Variants in CBL observed in about 807,000 individuals in gnomAD.
CBL encodes the protein E3 ubiquitin-protein ligase CBL.
Under a neutral mutation model 96.9 loss-of-function variants are expected in CBL, and 45 were observed. The observed-to-expected ratio is 0.46, with a 90% CI of 0.37 to 0.60. The LOEUF (loss-of-function observed/expected upper bound fraction) is 0.60, where lower values mean the gene tolerates loss of function less well. Among genes scored for constraint, CBL ranks in the 20% least tolerant of loss-of-function variants. The pLI is 0.00. For synonymous variants in CBL, 420 were observed against 426.8 expected (o/e 0.98, Z 0.20); for missense variants, 1,024 against 1,143.5 (o/e 0.90, Z 1.51).
At chr11:119,262,805 C>T (rs749218768) in intron 2 of CBL, among the ~76,000 whole-genome samples, 67 of 152,060 alleles carry the variant, frequency 4.4e-4, no homozygotes, top group Non-Finnish European at 6.9e-4. Context: ...TGAGAGTAGA[C>T]GTTAAATATA....
At chr11:119,276,767 A>G (rs546511036) in intron 6 of CBL, among the ~76,000 whole-genome samples, 2 of 152,368 alleles carry the variant, frequency 1.3e-5, no homozygotes, top group African/African-American at 2.4e-5. Flanking sequence ...TTTACTTACA[A>G]TAGCATTGGG....
At position 119,237,933 on chromosome 11, in the gene CBL, G is replaced by A. The variant is rs1474940612; in HGVS notation, c.443+5238G>A. Among the ~76,000 whole-genome samples the A allele has an allele frequency of 5.4e-5, 8 of 148,512 alleles. No homozygotes were observed. In the South Asian group the frequency reaches 1.5e-3, roughly 28 times the overall value. ...GTCACCCAGGCTGGAGTGCAGTGGC[G>A]CCATCTTGGCTCACTGCAACCTCTT... On this transcript the variant is annotated intron_variant, in intron 2 of 15. Coordinates refer to ENST00000264033, the MANE Select transcript of CBL (RefSeq NM_005188.4).
intron 12 of CBL, among the ~76,000 whole-genome samples, chr11:119,292,200 T>G (rs1359423982): frequency 1.3e-5 from 2 of 152,116 alleles, no homozygotes; most frequent in South Asian, 2.1e-4. Context: ...TCCGTAAGTT[T>G]GGTAAAGTTT....
intron 12 of CBL, among the ~76,000 whole-genome samples, chr11:119,295,103 G>A (rs1198483579): frequency 6.6e-6 from 1 of 152,166 alleles, no homozygotes; most frequent in Non-Finnish European, 1.5e-5. Context: ...GTAGGCTTCC[G>A]TGGCTCCGGC....
At chr11:119,225,722 T>TTC in intron 1 of CBL, among the ~76,000 whole-genome samples, 1 of 88,654 alleles carries the variant, frequency 1.1e-5, no homozygotes, top group East Asian at 3.1e-4. Context: ...TATAAATATT[T>TTC]TCTTTTTTTT....
Position 119,306,762 on chromosome 11 carries a change from C to G in CBL, c.*6981C>G, listed in dbSNP as rs966812039. On this transcript the variant is annotated 3_prime_UTR_variant, in exon 16 of 16. Transcript: ENST00000264033. ...TAAATGCCTCCTGACCTACCCTGCT[C>G]AGCACTGTTCTAGTGTCTTGGCCTT... 1 of 239,878 alleles carries G rather than the reference C, an allele frequency of 4.2e-6. No individual in the cohort carries two copies. The highest frequency in any genetic ancestry group is 8.2e-6 in the Non-Finnish European group (1 of 122,688). The allele number at this position is 239,878 out of a possible 1,614,324, so 14.9% of individuals were successfully genotyped here. A position where few individuals can be genotyped will look rare whatever the true frequency, so the allele number is the denominator to read the frequency against.
intron 2 of CBL, among the ~76,000 whole-genome samples, chr11:119,252,401 TC>T (rs2135280989): frequency 6.6e-6 from 1 of 152,332 alleles, no homozygotes; most frequent in East Asian, 1.9e-4. Context: ...ATTCCTTTCC[TC>T]CTGTTCTTTT....
At position 119,206,617 on chromosome 11, in the gene CBL, A is replaced by G. The variant is rs1949271201; in HGVS notation, c.195+5A>G. 1 of 1,546,518 alleles carries G rather than the reference A, an allele frequency of 6.5e-7. No individual in the cohort carries two copies. The highest frequency in any genetic ancestry group is 1.4e-5 in the African/African-American group (1 of 72,490). ...TGCTGGAAGCTCATGGACAAGGTGA[A>G]AGGCCGGCTGAGCGCCCGCTGTTGC... On this transcript the variant is annotated splice_donor_5th_base_variant and intron_variant, in intron 1 of 15. Transcript: ENST00000264033.
chr11:119,296,875 GGTTT>G (rs1214649983), intron 12 of CBL, 39 bp from the exon 13 acceptor site: 2 of 979,492 alleles, frequency 2.0e-6, no homozygotes, highest in African/African-American at 3.2e-5. Context: ...AAAGTTTACT[GGTTT>G]GTTACTTCTT....
At chr11:119,207,076 C>A (rs1026159991) in intron 1 of CBL, among the ~76,000 whole-genome samples, 1 of 152,056 alleles carries the variant, frequency 6.6e-6, no homozygotes, top group Non-Finnish European at 1.5e-5. Flanking sequence ...TTCATGGGCT[C>A]TGACTGAGGA....
intron 12 of CBL, chr11:119,289,442 C>T (rs1161340318): frequency 6.6e-6 from 1 of 151,974 alleles, no homozygotes; most frequent in East Asian, 1.9e-4. Context: ...CTCTGTAGTT[C>T]TATTTCTTGC....
At position 119,259,326 on chromosome 11, in the gene CBL, T is replaced by C. The variant is rs149684530; in HGVS notation, c.444-12409T>C. Among the ~76,000 whole-genome samples the C allele has an allele frequency of 4.2e-4, 64 of 152,308 alleles. 1 individual carries two copies. The East Asian group carries it at 0.012, about 28-fold the overall frequency. ...GTAAGTTGGTAGTCTTATGTGGCTT[T>C]AAGTTTCTTGTATTCTGCTTAAGAT... On this transcript the variant is annotated intron_variant, in intron 2 of 15. Coordinates refer to ENST00000264033, the MANE Select transcript of CBL (RefSeq NM_005188.4).
chr11:119,222,369 C>G (rs370641056), intron 1 of CBL, among the ~76,000 whole-genome samples: 19 of 152,170 alleles, frequency 1.2e-4, no homozygotes, highest in African/African-American at 4.1e-4. Flanking sequence ...ATAACACTTT[C>G]CAAATTTTTT....
chr11:119,212,283 A>G (rs1949324357), intron 1 of CBL, among the ~76,000 whole-genome samples: 1 of 152,226 alleles, frequency 6.6e-6, no homozygotes, highest in Admixed American at 6.5e-5. Context: ...AGAAAAATAC[A>G]TTTAAAATCA....
At chr11:119,267,434 AC>A (rs1185188739) in intron 2 of CBL, among the ~76,000 whole-genome samples, 1 of 152,132 alleles carries the variant, frequency 6.6e-6, no homozygotes, top group African/African-American at 2.4e-5. Flanking sequence ...AGTGCTAGGT[AC>A]CTGGTAGATT....
At chr11:119,234,642 T>G (rs1050615333) in intron 2 of CBL, among the ~76,000 whole-genome samples, 1 of 152,156 alleles carries the variant, frequency 6.6e-6, no homozygotes, top group African/African-American at 2.4e-5. Flanking sequence ...TGTACAAAAT[T>G]CTGTTGGGAG....
At chr11:119,249,468 C>G in intron 2 of CBL, among the ~76,000 whole-genome samples, 1 of 151,160 alleles carries the variant, frequency 6.6e-6, no homozygotes, top group Non-Finnish European at 1.5e-5. Context: ...GGCAGGAGAA[C>G]CGCTTGAACC....
At chr11:119,209,309 A>AT (rs1339471363) in intron 1 of CBL, among the ~76,000 whole-genome samples, 1 of 152,158 alleles carries the variant, frequency 6.6e-6, no homozygotes, top group Non-Finnish European at 1.5e-5. Flanking sequence ...TGTCCCACAC[A>AT]TTTAATTCTT....
At chr11:119,232,327 A>G in intron 1 of CBL, 121 bp from the exon 2 acceptor site, 1 of 1,086,602 alleles carries the variant, frequency 9.2e-7, no homozygotes, top group Non-Finnish European at 1.4e-6. Context: ...TGCTTCTTAT[A>G]TTCTCATGTA....
Sources: allele counts gnomAD v4.1 joint callset (sites outside exome capture counted in the v4.1 genomes callset), GRCh38; gene constraint gnomAD v4.1.1; transcripts MANE v1.5; gene names NCBI Gene and HGNC (gene_info 2026-07-23, HGNC 2026-07-21).